The following DHRSX variants were observed in gnomAD, a reference collection of about 807,000 sequenced individuals.
The protein encoded by DHRSX is dehydrogenase/reductase X-linked.
A neutral mutation model predicts 34.0 loss-of-function variants in DHRSX; 31 were observed. That is an observed-to-expected ratio of 0.91 (90% CI 0.69 to 1.23). The LOEUF (loss-of-function observed/expected upper bound fraction) is 1.23, where lower values mean the gene tolerates loss of function less well. DHRSX is among the 50% of genes most tolerant of loss of function. The pLI is 0.00. For missense variants in DHRSX, 414 were observed against 428.1 expected (o/e 0.97, Z 0.29); for synonymous variants, 201 against 183.8 (o/e 1.09, Z -0.76).
At chrX:2,373,761 G>C (rs2043108434) in intron 3 of DHRSX, among the ~76,000 whole-genome samples, 1 of 152,164 alleles carries the variant, frequency 6.6e-6, no homozygotes, top group South Asian at 2.1e-4. Flanking sequence ...CATAGAGTTT[G>C]CAAGCCAACA....
At chrX:2,436,924 A>G (rs1003611198) in intron 1 of DHRSX, among the ~76,000 whole-genome samples, 3 of 152,028 alleles carry the variant, frequency 2.0e-5, no homozygotes, top group Non-Finnish European at 4.4e-5. Context: ...TGAACAGGCT[A>G]CAGACCCCAC....
At chrX:2,423,774 T>G (rs1410886356) in intron 2 of DHRSX, among the ~76,000 whole-genome samples, 1 of 151,900 alleles carries the variant, frequency 6.6e-6, no homozygotes, top group African/African-American at 2.4e-5. Context: ...AGTAGTGGAA[T>G]GGGTTAATTT....
chrX:2,341,718 G>GAAGAAATATTACAAAATGCTCCCTGAT (rs1569491259), intron 3 of DHRSX, among the ~76,000 whole-genome samples: 10 of 24,808 alleles, frequency 4.0e-4, no homozygotes, highest in African/African-American at 1.2e-3. Flanking sequence ...CAGGGGTTGA[G>GAAGAAATATTACAAAATGCTCCCTGAT]AAGAAATAAA....
At chrX:2,455,914 A>G (rs988109329) in intron 1 of DHRSX, among the ~76,000 whole-genome samples, 1 of 151,996 alleles carries the variant, frequency 6.6e-6, no homozygotes, top group African/African-American at 2.4e-5. Context: ...TGTCAAAAGG[A>G]TTCCTTTCAA....
intron 3 of DHRSX, among the ~76,000 whole-genome samples, chrX:2,371,982 CAGTT>C (rs1425763557): frequency 1.3e-5 from 2 of 152,160 alleles, no homozygotes; most frequent in Non-Finnish European, 2.9e-5. Context: ...GCTTGCCAGA[CAGTT>C]AGTGCAATGA....
At chrX:2,237,507 A>AT (rs778834876) in intron 6 of DHRSX, among the ~76,000 whole-genome samples, 1,923 of 138,370 alleles carry the variant, frequency 0.014, 14 homozygotes, top group Middle Eastern at 0.035. Context: ...ATAGCTTTCT[A>AT]TTTTTTTTTT....
At chrX:2,415,074 A>G (rs2043677280) in intron 2 of DHRSX, among the ~76,000 whole-genome samples, 1 of 151,928 alleles carries the variant, frequency 6.6e-6, no homozygotes, top group South Asian at 2.1e-4. Context: ...ACTTAATCCA[A>G]CTAGATCTCA....
chrX:2,488,685 C>A, intron 1 of DHRSX: 3 of 1,613,354 alleles, frequency 1.9e-6, no homozygotes, highest in Non-Finnish European at 2.5e-6. Context: ...CTGACGCCAT[C>A]CCCCAAGGAG....
chrX:2,386,631 C>T (rs1165565647), intron 3 of DHRSX, among the ~76,000 whole-genome samples: 1 of 152,176 alleles, frequency 6.6e-6, no homozygotes, highest in Non-Finnish European at 1.5e-5. Flanking sequence ...TAGCAAAATT[C>T]TAATTTTTTG....
chrX:2,375,852 C>T lies in DHRSX; in HGVS notation c.286+32893G>A, dbSNP rs1489541204. On this transcript the variant is annotated intron_variant, in intron 3 of 6. Transcript: ENST00000334651. ...TTCACCATGTTGGCCAAGCTGGTCT[C>T]GATCTCCTGACCTCGTGATCCACCT... 2.9e-5 allele frequency among the ~76,000 whole-genome samples: 4 copies of T among 136,376 alleles called. 1 individual carries two copies. The highest frequency in any genetic ancestry group is 7.3e-5 in the Admixed American group (1 of 13,622). 89.5% of individuals were successfully genotyped at this position (136,376 alleles called of 152,430 possible).
At chrX:2,434,619 T>C (rs2043970877) in intron 1 of DHRSX, among the ~76,000 whole-genome samples, 6 of 152,190 alleles carry the variant, frequency 3.9e-5, no homozygotes, top group Admixed American at 3.9e-4. Context: ...TGCGGCAAGC[T>C]ATGATTGCAC....
At chrX:2,367,450 A>C (rs138637975) in intron 3 of DHRSX, among the ~76,000 whole-genome samples, 2 of 152,006 alleles carry the variant, frequency 1.3e-5, no homozygotes, top group African/African-American at 4.8e-5. Context: ...AAAAAAAGAA[A>C]AAAGAAAAAA....
intron 1 of DHRSX, among the ~76,000 whole-genome samples, chrX:2,446,497 G>A (rs1236277673): frequency 2.0e-5 from 3 of 151,856 alleles, no homozygotes; most frequent in Non-Finnish European, 4.4e-5. Flanking sequence ...CCACCGCCAT[G>A]TACACACTGA....
At chrX:2,388,713 G>A (rs922205604) in intron 3 of DHRSX, among the ~76,000 whole-genome samples, 15 of 151,780 alleles carry the variant, frequency 9.9e-5, no homozygotes, top group African/African-American at 3.6e-4. Flanking sequence ...TGAGGACACA[G>A]GGAGAAGACA....
At chrX:2,307,622 A>G (rs2042114093) in intron 3 of DHRSX, among the ~76,000 whole-genome samples, 1 of 151,772 alleles carries the variant, frequency 6.6e-6, no homozygotes, top group African/African-American at 2.4e-5. Context: ...AAAATTAGCC[A>G]GGCGTGGTGG....
At chrX:2,225,132 GCACT>G (rs745746365) in intron 6 of DHRSX, among the ~76,000 whole-genome samples, 135 of 139,566 alleles carry the variant, frequency 9.7e-4, no homozygotes, top group African/African-American at 3.4e-3. Context: ...TCATTCACAT[GCACT>G]CATTCACATG....
chrX:2,250,726 T>C (rs1257129531), intron 5 of DHRSX, among the ~76,000 whole-genome samples: 3 of 152,142 alleles, frequency 2.0e-5, no homozygotes, highest in Non-Finnish European at 4.4e-5. Context: ...GCTGACCTCC[T>C]CTGTCATCCT....
chrX:2,350,674 C>T (rs911234888), intron 3 of DHRSX, among the ~76,000 whole-genome samples: 1 of 152,170 alleles, frequency 6.6e-6, no homozygotes, highest in Non-Finnish European at 1.5e-5. Context: ...CACACCACAG[C>T]AGTTGTGCCT....
chrX:2,288,288 T>G (rs1334643692), intron 4 of DHRSX, among the ~76,000 whole-genome samples: 2 of 152,096 alleles, frequency 1.3e-5, no homozygotes, highest in African/African-American at 4.8e-5. Context: ...CAGACTGGAG[T>G]GCAGTGGTGT....
Sources: gnomAD v4.1 joint callset for allele counts (sites outside exome capture counted in the v4.1 genomes callset) on GRCh38, gnomAD v4.1.1 for gene constraint, MANE v1.5 for transcripts, NCBI Gene and HGNC (gene_info 2026-07-23, HGNC 2026-07-21) for gene names.